Variants in PCSK5 observed in about 807,000 individuals in gnomAD.
The protein encoded by PCSK5 is prohormone convertase 5.
Under a neutral mutation model 233.2 loss-of-function variants are expected in PCSK5, and 129 were observed. The observed-to-expected ratio is 0.55, with a 90% CI of 0.48 to 0.64. The LOEUF (loss-of-function observed/expected upper bound fraction) is 0.64, where lower values mean the gene tolerates loss of function less well. Among genes scored for constraint, PCSK5 ranks in the 30% least tolerant of loss-of-function variants. The pLI is 0.00. For synonymous variants in PCSK5, 825 were observed against 879.2 expected, an observed-to-expected ratio of 0.94 and a Z score of 1.09; for missense variants, 2,076 against 2,430.1, an observed-to-expected ratio of 0.85 and a Z score of 3.06.
intron 3 of PCSK5, among the ~76,000 whole-genome samples, chr9:75,990,942 A>C (rs892239966): frequency 6.6e-6 from 1 of 152,178 alleles, no homozygotes; most frequent in Non-Finnish European, 1.5e-5. Context: ...TGATTGAATA[A>C]ATGGATGAGC....
intron 13 of PCSK5, 77 bp downstream of exon 13, chr9:76,169,917 C>A: frequency 8.5e-7 from 1 of 1,183,102 alleles, no homozygotes; most frequent in South Asian, 1.3e-5. Context: ...GAGTGTTTCA[C>A]ACTCACATAT....
chr9:75,924,562 T>C (rs58284461), intron 1 of PCSK5, among the ~76,000 whole-genome samples: 17,502 of 152,038 alleles, frequency 0.12, 1,611 homozygotes, highest in African/African-American at 0.25. Flanking sequence ...TCTCTGGGGT[T>C]AGCGGTATAA....
chr9:76,238,752 T>G (rs1826332706), intron 22 of PCSK5, among the ~76,000 whole-genome samples: 1 of 152,210 alleles, frequency 6.6e-6, no homozygotes, highest in South Asian at 2.1e-4. Context: ...TATAAAATAT[T>G]GGAAAATAAT....
intron 33 of PCSK5, among the ~76,000 whole-genome samples, chr9:76,329,781 C>T (rs563091518): frequency 1.3e-4 from 19 of 151,904 alleles, no homozygotes; most frequent in Non-Finnish European, 2.6e-4. Flanking sequence ...TGCAGTGATC[C>T]GAGATCGCAC....
Position 75,891,309 on chromosome 9 carries a change from T to C in PCSK5, c.128T>C (p.Ile43Thr). The change falls in exon 1 of 38, where the codon ATC becomes ACC. Residue 43 changes from isoleucine (I) to threonine (T), a missense_variant. Ile to Thr is a moderately conservative substitution (Grantham distance 89). This residue lies in a region of PCSK5 where 190 missense variants were observed against 216.3 expected (regional missense o/e 0.88). Transcript: ENST00000674117. The stretch of plus-strand genomic sequence containing the variant: ...TACACCAACCACTGGGCAGTCAAAA[T>C]CGCCGGGGGCTTCCCGGAGGCCAAC... The part of the protein sequence containing the change: ...RVYTNHWAVK[I>T]AGGFPEANRI... 6.4e-7 allele frequency: 1 copy of C among 1,558,510 alleles called. No homozygotes were observed.
intron 2 of PCSK5, among the ~76,000 whole-genome samples, chr9:75,967,384 A>T (rs1011136468): frequency 2.6e-5 from 4 of 152,238 alleles, no homozygotes; most frequent in African/African-American, 9.6e-5. Flanking sequence ...TGCTTAGGAC[A>T]ATGGTCTCCA....
At chr9:76,338,471 C>G in intron 35 of PCSK5, 24 bp downstream of exon 35, 2 of 1,505,938 alleles carry the variant, frequency 1.3e-6, no homozygotes, top group East Asian at 2.3e-5. Flanking sequence ...TGTCATTTTG[C>G]ATGAGTGCGT....
At chr9:76,182,317 G>T (rs1209328394) in intron 16 of PCSK5, among the ~76,000 whole-genome samples, 1 of 152,112 alleles carries the variant, frequency 6.6e-6, no homozygotes, top group African/African-American at 2.4e-5. Context: ...CAAAAAATAT[G>T]ACTGTCTTTT....
chr9:76,289,517 T>TAC (rs138282168), intron 24 of PCSK5, among the ~76,000 whole-genome samples: 2,377 of 119,408 alleles, frequency 0.02, 44 homozygotes, highest in South Asian at 0.059. Flanking sequence ...ACACGCAACA[T>TAC]ACACACACAC....
At position 75,905,885 on chromosome 9, in the gene PCSK5, A is replaced by T. The variant is rs566275595; in HGVS notation, c.192+14512A>T. Among the ~76,000 whole-genome samples the T allele has an allele frequency of 3.3e-5, 5 of 152,304 alleles. No individual in the cohort carries two copies. The East Asian group carries it at 5.8e-4, about 18-fold the overall frequency. ...TCCATGGAAAAATTTTCTTCCGTGA[A>T]ACCGGTCCCTGGTGCCGAAAAGGTT... On this transcript the variant is annotated intron_variant, in intron 1 of 37. Coordinates refer to ENST00000674117, the MANE Select transcript of PCSK5 (RefSeq NM_001372043.1).
intron 20 of PCSK5, among the ~76,000 whole-genome samples, chr9:76,221,688 G>A (rs1382016968): frequency 6.6e-6 from 1 of 152,214 alleles, no homozygotes; most frequent in Non-Finnish European, 1.5e-5. Context: ...CCAAACGACG[G>A]TGGAAACTAG....
intron 2 of PCSK5, among the ~76,000 whole-genome samples, chr9:75,966,936 T>G (rs1035720201): frequency 9.9e-5 from 15 of 152,134 alleles, no homozygotes; most frequent in African/African-American, 3.1e-4. Flanking sequence ...AAAGGAGAAC[T>G]AGTTCTGCCT....
At chr9:76,345,670 C>T (rs879465922) in intron 35 of PCSK5, among the ~76,000 whole-genome samples, 2 of 152,044 alleles carry the variant, frequency 1.3e-5, no homozygotes, top group African/African-American at 2.4e-5. Flanking sequence ...GATACACCCG[C>T]CTCAGCCTCC....
intron 10 of PCSK5, among the ~76,000 whole-genome samples, chr9:76,137,380 A>G (rs756289019): frequency 9.2e-5 from 14 of 152,130 alleles, no homozygotes; most frequent in Non-Finnish European, 2.1e-4. Context: ...GAGGGAAGAC[A>G]CATGTAAACA....
chr9:76,246,834 T>C (rs1826620325), intron 24 of PCSK5, among the ~76,000 whole-genome samples: 1 of 152,218 alleles, frequency 6.6e-6, no homozygotes, highest in African/African-American at 2.4e-5. Flanking sequence ...ACACATAGTA[T>C]GCTACTATTA....
chr9:75,974,886 C>A (rs942075290), intron 2 of PCSK5, among the ~76,000 whole-genome samples: 3 of 152,090 alleles, frequency 2.0e-5, no homozygotes, highest in African/African-American at 7.2e-5. Flanking sequence ...CACTCATTTC[C>A]CTAAAGGTTG....
chr9:76,331,985 C>T (rs747437133), intron 33 of PCSK5, among the ~76,000 whole-genome samples: 36 of 152,182 alleles, frequency 2.4e-4, no homozygotes, highest in Non-Finnish European at 4.6e-4. Context: ...GAGACTAATA[C>T]GGCGGTGTTT....
intron 2 of PCSK5, among the ~76,000 whole-genome samples, chr9:75,980,883 C>G (rs1826247645): frequency 6.8e-6 from 1 of 146,272 alleles, no homozygotes; most frequent in South Asian, 2.2e-4. Flanking sequence ...TAAGCCCTCG[C>G]TTTCCATAGC....
chr9:76,149,996 T>C lies in PCSK5; in HGVS notation c.1313-7049T>C, dbSNP rs113979659. 7.2e-5 allele frequency among the ~76,000 whole-genome samples: 11 copies of C among 152,312 alleles called. 1 individual carries two copies. Among genetic ancestry groups the C allele is most frequent in the Middle Eastern group, 3.4e-3 (1 of 294 alleles). ...CAAATGAAACAAATAGTAATAAATA[T>C]GTTTCTGTATGTTCATACAGAATAT... On this transcript the variant is annotated intron_variant, in intron 10 of 37. Coordinates refer to ENST00000674117, the MANE Select transcript of PCSK5 (RefSeq NM_001372043.1).
Sources: gnomAD v4.1 joint callset for allele counts (sites outside exome capture counted in the v4.1 genomes callset) on GRCh38, gnomAD v4.1.1 for gene constraint, gnomAD v4.1.1 regional missense constraint, MANE v1.5 for transcripts, NCBI Gene and HGNC (gene_info 2026-07-23, HGNC 2026-07-21) for gene names.